The following AQP9 variants were observed in gnomAD, a reference collection of about 807,000 sequenced individuals.
AQP9 encodes the protein aquaporin-9.
A neutral mutation model predicts 23.8 loss-of-function variants in AQP9; 19 were observed. The ratio of observed to expected loss-of-function variants is 0.80; its 90% CI spans 0.56 to 1.17. The LOEUF (loss-of-function observed/expected upper bound fraction) is 1.17, where lower values mean the gene tolerates loss of function less well. AQP9 is among the 50% of genes most tolerant of loss of function. The pLI is 0.00. For missense variants in AQP9, 413 were observed against 362.0 expected, an observed-to-expected ratio of 1.14 and a Z score of -1.14; for synonymous variants, 153 against 131.5, an observed-to-expected ratio of 1.16 and a Z score of -1.12.
chr15:58,147,681 C>T (rs1187461775), intron 1 of AQP9, among the ~76,000 whole-genome samples: 1 of 152,094 alleles, frequency 6.6e-6, no homozygotes, highest in Non-Finnish European at 1.5e-5. Flanking sequence ...TCTGGAAATT[C>T]AAGCTTTCTT....
intron 1 of AQP9, among the ~76,000 whole-genome samples, chr15:58,164,961 T>C (rs1898466967): frequency 6.6e-6 from 1 of 152,198 alleles, no homozygotes; most frequent in Non-Finnish European, 1.5e-5. Flanking sequence ...CAATAGTAGG[T>C]TATTATCTTC....
Position 58,179,010 on chromosome 15 carries a change from G to A in AQP9, c.496-118G>A, listed in dbSNP as rs74016578. Reference sequence around the variant, plus strand: ...CATGCCAGTTATTACTAGGCATATTGTAATATAAGTAAAATAGTAATATTG... The same window carrying A: ...CATGCCAGTTATTACTAGGCATATTATAATATAAGTAAAATAGTAATATTG... On this transcript the variant is annotated intron_variant, in intron 4 of 5. Coordinates refer to ENST00000219919, the MANE Select transcript of AQP9 (RefSeq NM_020980.5). 3.2e-3 allele frequency: 2,218 copies of A among 703,292 alleles called. 34 individuals carry two copies. The African/African-American group carries it at 0.035, about 11-fold the overall frequency. The allele number at this position is 703,292 out of a possible 1,614,324, so 43.6% of individuals were successfully genotyped here.
chr15:58,170,595 G>A (rs1898598945), intron 2 of AQP9, among the ~76,000 whole-genome samples: 1 of 152,032 alleles, frequency 6.6e-6, no homozygotes, highest in Non-Finnish European at 1.5e-5. Flanking sequence ...AGTAGAGACA[G>A]GGTTTCACCA....
At position 58,145,487 on chromosome 15, in the gene AQP9, C is replaced by CA. The variant is rs199682588; in HGVS notation, c.111+6826dup. On this transcript the variant is annotated intron_variant, in intron 1 of 5. Coordinates refer to ENST00000219919, the MANE Select transcript of AQP9 (RefSeq NM_020980.5). ...GGGCAACAAAATGAGACTTTGTGTCCAAAAAAAAAAAAAAATTACCCATAT... is the reference window on the plus strand; with the variant it reads ...GGGCAACAAAATGAGACTTTGTGTCCAAAAAAAAAAAAAAAATTACCCATAT... Among the ~76,000 whole-genome samples, 619 of 99,348 alleles carry CA rather than the reference C, an allele frequency of 6.2e-3. 1 individual carries two copies. The highest frequency in any genetic ancestry group is 0.012 in the South Asian group (36 of 3,110). 65.2% of individuals were successfully genotyped at this position (99,348 alleles called of 152,430 possible).
chr15:58,141,423 G>C (rs1265920939), intron 1 of AQP9, among the ~76,000 whole-genome samples: 1 of 152,198 alleles, frequency 6.6e-6, no homozygotes, highest in African/African-American at 2.4e-5. Context: ...TTCTCACCCT[G>C]TCAAGCTTCC....
At chr15:58,145,174 T>C (rs1898022707) in intron 1 of AQP9, among the ~76,000 whole-genome samples, 1 of 152,258 alleles carries the variant, frequency 6.6e-6, no homozygotes, top group South Asian at 2.1e-4. Context: ...TCTTTATTCT[T>C]GCCTTTTCTC....
intron 1 of AQP9, among the ~76,000 whole-genome samples, chr15:58,145,802 G>A (rs1241152147): frequency 1.3e-5 from 2 of 152,134 alleles, no homozygotes; most frequent in Non-Finnish European, 2.9e-5. Context: ...TCTTCCTTTA[G>A]AAAATTTTTC....
chr15:58,162,880 C>A (rs779797908), intron 1 of AQP9, among the ~76,000 whole-genome samples: 85 of 152,340 alleles, frequency 5.6e-4, no homozygotes, highest in Non-Finnish European at 1.1e-3. Context: ...CGTGCCACCC[C>A]AAACCCTGCC....
rs146866709 is a variant in AQP9, at chr15:58,175,017, C to T, written c.476C>T (p.Ala159Val). Residue 159 changes from alanine (A) to valine (V), a missense_variant, in exon 4 of 6, where the codon GCG (alanine) becomes GTG (valine). By Grantham distance (64) the Ala-to-Val change is moderately conservative (BLOSUM62 0). Transcript: ENST00000219919. The stretch of plus-strand genomic sequence containing the variant: ...TACCCAGCTCCGTATCTATCTCTGG[C>T]GAACGCATTTGCAGATCAAGTAAGT... ...ATYPAPYLSL[A>V]NAFADQVVAT... 51 of 1,613,490 alleles carry T rather than the reference C, an allele frequency of 3.2e-5. No homozygotes were observed. Among genetic ancestry groups the T allele is most frequent in the African/African-American group, 2.1e-4 (16 of 74,912 alleles).
rs200266534 is a variant in AQP9 at position 58,173,115 on chromosome 15, C to A, written c.286C>A (p.Arg96=). Residue 96 remains arginine (R), a synonymous_variant, in exon 3 of 6, where the codon CGG becomes AGG. Transcript: ENST00000219919. Reference sequence around the variant, plus strand: ...GTCTTTAGCAATGTGTCTCTTTGGACGGATGAAATGGTTCAAATTGCCATT... The same window carrying A: ...GTCTTTAGCAATGTGTCTCTTTGGAAGGATGAAATGGTTCAAATTGCCATT... The part of the protein sequence containing the change: ...AVSLAMCLFG[R]MKWFKLPFYV... The A allele has an allele frequency of 3.7e-6, 6 of 1,613,850 alleles. No homozygotes were observed. In the African/African-American group the frequency reaches 6.7e-5, roughly 18 times the overall value.
intron 2 of AQP9, among the ~76,000 whole-genome samples, chr15:58,171,949 T>C (rs189249228): frequency 6.6e-6 from 1 of 152,292 alleles, no homozygotes; most frequent in East Asian, 1.9e-4. Flanking sequence ...TGATTCCCCC[T>C]CCACAAAAAA....
At chr15:58,144,541 G>T (rs1470243812) in intron 1 of AQP9, among the ~76,000 whole-genome samples, 3 of 152,074 alleles carry the variant, frequency 2.0e-5, no homozygotes, top group Admixed American at 6.6e-5. Flanking sequence ...TGTTGTTGTT[G>T]TTGTCTTTCT....
Position 58,138,419 on chromosome 15 carries a change from C to T in AQP9, c.-147C>T, listed in dbSNP as rs1350177125. 4.1e-5 allele frequency: 24 copies of T among 588,822 alleles called. No homozygotes were observed. Among genetic ancestry groups the T allele is most frequent in the South Asian group, 3.5e-4 (15 of 43,306 alleles). The allele number at this position is 588,822 out of a possible 1,614,324, so 36.5% of individuals were successfully genotyped here. On this transcript the variant is annotated 5_prime_UTR_variant, in exon 1 of 6. In the 5' UTR this introduces an upstream ATG that the reference lacks. Coordinates refer to ENST00000219919, the MANE Select transcript of AQP9 (RefSeq NM_020980.5). ...ATTAAGCCACAGCCTCTAATTGGAA[C>T]GGCATTTGTACAGTCAGAGACTCTT... is the stretch of plus-strand genomic sequence containing the variant.
chr15:58,179,295 G>C lies in AQP9; in HGVS notation c.663G>C (p.Leu221=). The C allele has an allele frequency of 6.2e-7, 1 of 1,614,098 alleles. No individual in the cohort carries two copies. Among genetic ancestry groups the C allele is most frequent in the Non-Finnish European group, 8.5e-7 (1 of 1,180,006 alleles). ...SGCAMNPARD[L]SPRLFTALAG... Reference sequence around the variant, plus strand: ...GTGCCATGAACCCAGCTCGAGACCTGAGTCCCAGACTTTTCACTGCCTTGG... The same window carrying C: ...GTGCCATGAACCCAGCTCGAGACCTCAGTCCCAGACTTTTCACTGCCTTGG... Residue 221 remains leucine, a synonymous_variant, in exon 5 of 6, where the codon CTG becomes CTC. Coordinates refer to ENST00000219919, the MANE Select transcript of AQP9 (RefSeq NM_020980.5).
intron 3 of AQP9, among the ~76,000 whole-genome samples, chr15:58,174,000 G>C (rs1225688204): frequency 1.3e-5 from 2 of 152,120 alleles, no homozygotes; most frequent in African/African-American, 4.8e-5. Flanking sequence ...GGTCATGGAG[G>C]GCTGGGTGTG....
chr15:58,143,282 G>T (rs2140583188), intron 1 of AQP9, among the ~76,000 whole-genome samples: 1 of 152,304 alleles, frequency 6.6e-6, no homozygotes, highest in East Asian at 1.9e-4. Context: ...TCCTTGCCTT[G>T]AAGCAAGAGT....
At chr15:58,157,759 C>T (rs1225175684) in intron 1 of AQP9, among the ~76,000 whole-genome samples, 1 of 152,028 alleles carries the variant, frequency 6.6e-6, no homozygotes, top group Admixed American at 6.5e-5. Flanking sequence ...GATCATCTAA[C>T]GGAAGTTGTC....
intron 5 of AQP9, among the ~76,000 whole-genome samples, chr15:58,182,831 G>T (rs1898923182): frequency 6.6e-6 from 1 of 152,174 alleles, no homozygotes; most frequent in East Asian, 1.9e-4. Context: ...CCAGGTGGAA[G>T]GGACCATGCA....
At position 58,179,146 on chromosome 15, in the gene AQP9, C is replaced by T; in HGVS notation, c.514C>T (p.Leu172Phe). The change falls in exon 5 of 6, where the codon CTC (leucine) becomes TTC (phenylalanine). Residue 172 changes from leucine to phenylalanine, a missense_variant. By Grantham distance (22) the Leu-to-Phe change is conservative. Coordinates refer to ENST00000219919, the MANE Select transcript of AQP9 (RefSeq NM_020980.5). ...FADQVVATMI[L>F]LIIVFAIFDS... ...TCTCCAGGTGGTGGCCACCATGATACTCCTCATAATCGTCTTTGCCATCTT... is the reference window on the plus strand; with the variant it reads ...TCTCCAGGTGGTGGCCACCATGATATTCCTCATAATCGTCTTTGCCATCTT... 6.2e-7 allele frequency: 1 copy of T among 1,612,936 alleles called. No individual in the cohort carries two copies. The highest frequency in any genetic ancestry group is 8.5e-7 in the Non-Finnish European group (1 of 1,178,860).
Sources: gnomAD v4.1 joint callset for allele counts (sites outside exome capture counted in the v4.1 genomes callset) on GRCh38, gnomAD v4.1.1 for gene constraint, MANE v1.5 for transcripts, NCBI Gene and HGNC (gene_info 2026-07-23, HGNC 2026-07-21) for gene names.